CWH43: variants seen among roughly 807,000 people sequenced by gnomAD.
CWH43 encodes cell wall biogenesis 43 C-terminal homolog.
A neutral mutation model predicts 85.7 loss-of-function variants in CWH43; 91 were observed. The observed-to-expected ratio is 1.06, with a 90% confidence interval of 0.90 to 1.26. The LOEUF is 1.26. Ranked by LOEUF, CWH43 falls within the 50% of genes most tolerant of loss-of-function variation. The probability of loss-of-function intolerance (pLI) is 0.00; values close to 1 mark genes in which losing one functional copy is unlikely to be tolerated. For synonymous variants in CWH43, 323 were observed against 293.6 expected (o/e 1.10, Z -1.02); for missense variants, 869 against 839.2 (o/e 1.04, Z -0.44).
At chr4:49,042,917 T>C (rs1352441129) in intron 13 of CWH43, among the ~76,000 whole-genome samples, 3 of 152,180 alleles carry the variant, frequency 2.0e-5, no homozygotes, top group African/African-American at 4.8e-5. Flanking sequence ...TTGGGTTGAC[T>C]GGGTGGATTT....
chr4:49,038,251 A>T, intron 13 of CWH43, 71 bp downstream of exon 13: 1 of 1,353,188 alleles, frequency 7.4e-7, no homozygotes, highest in Non-Finnish European at 1.0e-6. Flanking sequence ...TTTTTAAAAA[A>T]ACCAACCTCA....
At chr4:49,012,317 C>A (rs1024537982) in intron 8 of CWH43, among the ~76,000 whole-genome samples, 1 of 152,184 alleles carries the variant, frequency 6.6e-6, no homozygotes. Flanking sequence ...TTGTTTTCAA[C>A]TCCATCAGGT....
Position 49,007,308 on chromosome 4 carries a change from G to A in CWH43, c.1168G>A (p.Glu390Lys), listed in dbSNP as rs755347963. The A allele has an allele frequency of 5.0e-6, 8 of 1,597,892 alleles. No individual in the cohort carries two copies. Among genetic ancestry groups the A allele is most frequent in the Non-Finnish European group, 6.0e-6 (7 of 1,174,044 alleles). Reference sequence around the variant, plus strand: ...TTCTAAAGTGCTTTTCAGAAAGAGTGAAAAATACATGAAACTTTGTAAGTA... The same window carrying A: ...TTCTAAAGTGCTTTTCAGAAAGAGTAAAAAATACATGAAACTTTGTAAGTA... ...NSSKVLFRKS[E>K]KYMKLFLWLL... Residue 390 changes from glutamate (E) to lysine (K), a missense_variant, in exon 8 of 16, where the codon GAA becomes AAA. By Grantham distance (56) the Glu-to-Lys change is moderately conservative. This residue lies in a region of CWH43 where 577 missense variants were observed against 513.1 expected (regional missense o/e 1.12). Transcript: ENST00000226432.
intron 12 of CWH43, among the ~76,000 whole-genome samples, chr4:49,034,482 G>A (rs187510046): frequency 6.2e-4 from 95 of 152,270 alleles, no homozygotes; most frequent in Non-Finnish European, 1.2e-3. Context: ...GAAAAGAGGA[G>A]GGAAGGATTG....
chr4:49,014,517 A>AT (rs767131940), intron 8 of CWH43, among the ~76,000 whole-genome samples: 101 of 151,616 alleles, frequency 6.7e-4, no homozygotes, highest in Non-Finnish European at 1.3e-3. Flanking sequence ...GAGAAATGAG[A>AT]TTTTTTTTGT....
chr4:49,004,637 G>A (rs1425931457), intron 7 of CWH43, among the ~76,000 whole-genome samples: 1 of 152,122 alleles, frequency 6.6e-6, no homozygotes, highest in Non-Finnish European at 1.5e-5. Flanking sequence ...TGATCCTCCT[G>A]CCTTGGCTTC....
chr4:49,017,682 C>G (rs11725397), intron 9 of CWH43, among the ~76,000 whole-genome samples: 88,727 of 151,548 alleles, frequency 0.59, 29,130 homozygotes, highest in Admixed American at 0.75. Flanking sequence ...TTTAATTATC[C>G]CATGGTTCTA....
chr4:49,060,904 C>T (rs1428143137), intron 15 of CWH43, among the ~76,000 whole-genome samples: 1 of 152,098 alleles, frequency 6.6e-6, no homozygotes, highest in African/African-American at 2.4e-5. Context: ...GTGCGTATAT[C>T]TGTGTGTATA....
intron 5 of CWH43, among the ~76,000 whole-genome samples, chr4:48,995,824 A>C (rs1782792538): frequency 1.3e-5 from 2 of 151,944 alleles, no homozygotes; most frequent in Admixed American, 1.3e-4. Context: ...TGGAGTCCTC[A>C]CCATTTTTTC....
At chr4:49,030,782 G>T in intron 10 of CWH43, 43 bp from the exon 11 acceptor site, 1 of 1,495,058 alleles carries the variant, frequency 6.7e-7, no homozygotes, top group Non-Finnish European at 8.9e-7. Context: ...TTTTTGCCTT[G>T]CTGTGATTCA....
chr4:49,046,432 G>A (rs1271400339), intron 14 of CWH43, among the ~76,000 whole-genome samples: 2 of 152,088 alleles, frequency 1.3e-5, no homozygotes, highest in South Asian at 2.1e-4. Flanking sequence ...ATCCTTGACT[G>A]TGGTAGAACT....
intron 13 of CWH43, among the ~76,000 whole-genome samples, chr4:49,043,288 A>G (rs149368490): frequency 1.3e-5 from 2 of 152,314 alleles, no homozygotes; most frequent in African/African-American, 4.8e-5. Flanking sequence ...AGAAACGCGT[A>G]AGTACATGGT....
In CWH43 at chr4:48,986,322, G is replaced by A. The variant is rs1380676967; in HGVS notation, c.-108G>A. The A allele has an allele frequency of 8.3e-6, 9 of 1,078,926 alleles. No individual in the cohort carries two copies. The highest frequency in any genetic ancestry group is 7.9e-6 in the Non-Finnish European group (6 of 763,900). 66.8% of individuals were successfully genotyped at this position (1,078,926 alleles called of 1,614,324 possible). A position where few individuals can be genotyped will look rare whatever the true frequency, so the allele number is the denominator to read the frequency against. On this transcript the variant is annotated 5_prime_UTR_variant, in exon 1 of 16. Coordinates refer to ENST00000226432, the MANE Select transcript of CWH43 (RefSeq NM_025087.3). ...AACGGGACGCGGGAACGAGGGGCGC[G>A]GACGCAGGCCCGGGAGGACGCGGCG...
intron 6 of CWH43, among the ~76,000 whole-genome samples, chr4:49,002,041 T>C (rs1441540032): frequency 6.6e-6 from 1 of 152,116 alleles, no homozygotes; most frequent in South Asian, 2.1e-4. Flanking sequence ...GTGTCAAGAC[T>C]TGGCAAGTTT....
chr4:49,007,304 G>C lies in CWH43; in HGVS notation c.1164G>C (p.Lys388Asn), dbSNP rs780605224. Residue 388 changes from lysine (K) to asparagine (N), a missense_variant, in exon 8 of 16, where the codon AAG (lysine) becomes AAC (asparagine). Physicochemically the swap from Lys to Asn is moderately conservative, Grantham distance 94. Around this residue, in one of 3 missense-constraint regions of CWH43, gnomAD observed 577 missense variants for 513.1 expected, o/e 1.12. Transcript: ENST00000226432. The part of the protein sequence containing the change: ...TKNSSKVLFR[K>N]SEKYMKLFLW... ...ACAGTTCTAAAGTGCTTTTCAGAAAGAGTGAAAAATACATGAAACTTTGTA... is the reference window on the plus strand; with the variant it reads ...ACAGTTCTAAAGTGCTTTTCAGAAACAGTGAAAAATACATGAAACTTTGTA... 3.3e-5 allele frequency: 53 copies of C among 1,603,346 alleles called. 1 individual carries two copies. In the South Asian group the frequency reaches 5.9e-4, roughly 18 times the overall value.
intron 15 of CWH43, among the ~76,000 whole-genome samples, chr4:49,054,246 T>A (rs1259320097): frequency 2.0e-5 from 3 of 152,136 alleles, no homozygotes; most frequent in Admixed American, 6.5e-5. Context: ...TCCCCCAACA[T>A]TGCTTATTGA....
At chr4:49,015,738 G>A (rs2109781442) in intron 8 of CWH43, among the ~76,000 whole-genome samples, 1 of 152,028 alleles carries the variant, frequency 6.6e-6, no homozygotes, top group African/African-American at 2.4e-5. Flanking sequence ...CTGCCTCTAT[G>A]TTTTGGGCTG....
chr4:49,040,635 G>A (rs1784429632), intron 13 of CWH43, among the ~76,000 whole-genome samples: 1 of 152,068 alleles, frequency 6.6e-6, no homozygotes, highest in Non-Finnish European at 1.5e-5. Flanking sequence ...TGTAGATTCT[G>A]GATATTAGCC....
At chr4:48,991,237 T>G (rs1436850978) in intron 2 of CWH43, among the ~76,000 whole-genome samples, 12 of 152,218 alleles carry the variant, frequency 7.9e-5, no homozygotes, top group Non-Finnish European at 1.5e-4. Flanking sequence ...ACTTTATGAG[T>G]ATACTAAAAA....
Sources: allele counts gnomAD v4.1 joint callset (sites outside exome capture counted in the v4.1 genomes callset), GRCh38; gene constraint gnomAD v4.1.1; regional missense constraint gnomAD v4.1.1; transcripts MANE v1.5; gene names NCBI Gene and HGNC (gene_info 2026-07-23, HGNC 2026-07-21).